The following DMD variants were observed in gnomAD, a reference collection of about 807,000 sequenced individuals.
The protein encoded by DMD is mutant dystrophin.
In DMD, 63 loss-of-function variants were observed where a neutral mutation model predicts 330.1. That is an observed-to-expected ratio of 0.19 (90% confidence interval 0.16 to 0.24). The LOEUF is 0.24. Among genes scored for constraint, DMD ranks in the 10% least tolerant of loss-of-function variants. DMD has a pLI of 1.00. For synonymous variants in DMD, 1,223 were observed against 959.8 expected, an observed-to-expected ratio of 1.27 and a Z score of -5.07; for missense variants, 3,344 against 2,684.1, an observed-to-expected ratio of 1.25 and a Z score of -5.43.
At chrX:32,962,759 T>C (rs1459871430) in intron 2 of DMD, among the ~76,000 whole-genome samples, 1 of 112,307 alleles carries the variant, frequency 8.9e-6, no homozygotes, top group East Asian at 2.8e-4. Context: ...CTTCCTGTAC[T>C]TGATATGCTT....
chrX:32,654,357 T>A (rs963864232), intron 9 of DMD, among the ~76,000 whole-genome samples: 10 of 111,796 alleles, frequency 8.9e-5, no homozygotes, highest in African/African-American at 3.3e-4. Flanking sequence ...GTTTTTAGCA[T>A]GAAGGTTGTT....
intron 43 of DMD, among the ~76,000 whole-genome samples, chrX:32,230,625 C>G (rs2147976975): frequency 8.9e-6 from 1 of 111,966 alleles, no homozygotes; most frequent in African/African-American, 3.2e-5. Context: ...AGTAGTAAAA[C>G]AATCAGGTTG....
rs188782824 is a variant in DMD at position 32,784,237 on chromosome X, G to A, written c.649+25256C>T. Among the ~76,000 whole-genome samples the A allele has an allele frequency of 3.3e-4, 37 of 111,679 alleles. 1 individual carries two copies. Among genetic ancestry groups the A allele is most frequent in the African/African-American group, 1.2e-3 (37 of 30,836 alleles). ...GCAGCGTTTCTATAGCTCTCAAAAA[G>A]GTTAAGAACCCGAGGTGTATTATAG... On this transcript the variant is annotated intron_variant, in intron 7 of 78. Coordinates refer to ENST00000357033, the MANE Select transcript of DMD (RefSeq NM_004006.3).
At chrX:32,484,385 A>C (rs899282634) in intron 21 of DMD, among the ~76,000 whole-genome samples, 1 of 112,273 alleles carries the variant, frequency 8.9e-6, no homozygotes, top group Non-Finnish European at 1.9e-5. Flanking sequence ...TAATTGCTCC[A>C]CTTTTATCTT....
At chrX:33,017,975 T>G (rs73621862) in intron 2 of DMD, among the ~76,000 whole-genome samples, 1,850 of 112,409 alleles carry the variant, frequency 0.016, 35 homozygotes, top group East Asian at 0.1. Context: ...CCAAGTGGCT[T>G]AAACTGAATC....
Position 31,496,806 on chromosome X carries a change from C to T in DMD, c.8529G>A (p.Lys2843=), listed in dbSNP as rs1004602990. Residue 2843 remains lysine (K), a synonymous_variant, in exon 57 of 79, where the codon AAG becomes AAA. Transcript: ENST00000357033. The stretch of plus-strand genomic sequence containing the variant: ...GTCCTACCCTATGTACATCGTTCTG[C>T]TTCTGAACTGCTGGAAAGTCGCCTC... ...PIGGDFPAVQ[K]QNDVHRAFKR... 18 of 1,210,994 alleles carry T rather than the reference C, an allele frequency of 1.5e-5. No individual in the cohort carries two copies. Among genetic ancestry groups the T allele is most frequent in the Non-Finnish European group, 1.9e-5 (17 of 895,492 alleles).
chrX:32,372,449 T>C (rs920582124), intron 34 of DMD, among the ~76,000 whole-genome samples: 7 of 111,668 alleles, frequency 6.3e-5, no homozygotes, highest in Non-Finnish European at 1.1e-4. Flanking sequence ...GTGCTAGTAA[T>C]CTCCTGTAGA....
At chrX:33,169,750 A>G (rs2049240481) in intron 1 of DMD, among the ~76,000 whole-genome samples, 1 of 110,944 alleles carries the variant, frequency 9.0e-6, no homozygotes, top group Admixed American at 9.6e-5. Context: ...AATGAGTTCT[A>G]TAGTGGTGAA....
At chrX:31,645,874 CTTTGA>C (rs889637780) in intron 54 of DMD, among the ~76,000 whole-genome samples, 3 of 111,999 alleles carry the variant, frequency 2.7e-5, no homozygotes, top group African/African-American at 9.7e-5. Flanking sequence ...AGTCTGTTCG[CTTTGA>C]TTTAACTTGA....
At position 32,252,645 on chromosome X, in the gene DMD, TATAAATACAA is replaced by T. The variant is rs1337970110; in HGVS notation, c.6290+34874_6290+34883del. Among the ~76,000 whole-genome samples, 81 of 76,851 alleles carry T rather than the reference TATAAATACAA, an allele frequency of 1.1e-3. 4 individuals are homozygous for T. The East Asian group carries it at 0.043, about 41-fold the overall frequency. The allele number at this position is 76,851 out of a possible 115,157, so 66.7% of individuals were successfully genotyped here. A position where few individuals can be genotyped will look rare whatever the true frequency, so the allele number is the denominator to read the frequency against. On this transcript the variant is annotated intron_variant, in intron 43 of 78. Transcript: ENST00000357033. ...ATAAATATGTGTATATATAAATATATATAAATACAAATATATAAATATATATATATAAATA... is the reference window on the plus strand; with the variant it reads ...ATAAATATGTGTATATATAAATATATATATATAAATATATATATATAAATA...
intron 44 of DMD, among the ~76,000 whole-genome samples, chrX:32,135,555 T>TAA (rs1172208052): frequency 1.8e-5 from 2 of 109,645 alleles, no homozygotes; most frequent in African/African-American, 6.6e-5. Context: ...ACACCATCTC[T>TAA]AAAAAAAAAT....
At chrX:32,139,949 A>G (rs992085637) in intron 44 of DMD, among the ~76,000 whole-genome samples, 1 of 112,619 alleles carries the variant, frequency 8.9e-6, no homozygotes, top group African/African-American at 3.2e-5. Context: ...CGGAAAACAT[A>G]GTTGCTATAT....
intron 2 of DMD, among the ~76,000 whole-genome samples, chrX:32,926,781 A>G (rs1252173760): frequency 2.7e-5 from 3 of 109,681 alleles, no homozygotes; most frequent in African/African-American, 1.0e-4. Flanking sequence ...TGTTCTTCCT[A>G]CAAAAAAATA....
chrX:32,198,195 T>C (rs1188047399), intron 44 of DMD, among the ~76,000 whole-genome samples: 1 of 111,660 alleles, frequency 9.0e-6, no homozygotes, highest in African/African-American at 3.3e-5. Flanking sequence ...ACATATCAAC[T>C]ATATTCCAAA....
chrX:31,387,402 CT>C (rs1180388361), intron 60 of DMD, among the ~76,000 whole-genome samples: 27 of 103,824 alleles, frequency 2.6e-4, no homozygotes, highest in Non-Finnish European at 1.6e-4. Context: ...TAAATTAATT[CT>C]TTTTTTTTTT....
intron 56 of DMD, among the ~76,000 whole-genome samples, chrX:31,506,737 G>GT (rs1192895880): frequency 8.9e-6 from 1 of 112,227 alleles, no homozygotes; most frequent in Non-Finnish European, 1.9e-5. Flanking sequence ...CAGAGGATGT[G>GT]TTTTAACAAA....
intron 44 of DMD, among the ~76,000 whole-genome samples, chrX:32,082,956 T>G: frequency 8.9e-6 from 1 of 111,760 alleles, no homozygotes; most frequent in Middle Eastern, 4.6e-3. Flanking sequence ...GGAGTCAATA[T>G]TAGATCCAAA....
intron 2 of DMD, among the ~76,000 whole-genome samples, chrX:33,009,338 A>G (rs748725325): frequency 3.4e-5 from 1 of 29,272 alleles, no homozygotes; most frequent in Admixed American, 3.3e-4. Context: ...GTGTATATAC[A>G]CGTGTATATA....
At chrX:31,200,792 G>A (rs997748767) in intron 67 of DMD, among the ~76,000 whole-genome samples, 3 of 111,353 alleles carry the variant, frequency 2.7e-5, no homozygotes, top group Non-Finnish European at 3.8e-5. Flanking sequence ...TGAAGTGGAG[G>A]CTTGCTAGGA....
Sources: allele counts gnomAD v4.1 joint callset (sites outside exome capture counted in the v4.1 genomes callset), GRCh38; gene constraint gnomAD v4.1.1; transcripts MANE v1.5; gene names NCBI Gene and HGNC (gene_info 2026-07-23, HGNC 2026-07-21).